The following PLAGL1 variants were observed in gnomAD, a reference collection of about 807,000 sequenced individuals.
PLAGL1 encodes the protein PLAG1 like zinc finger 1.
Under a neutral mutation model 4.6 loss-of-function variants are expected in PLAGL1, and 1 was observed. That is an observed-to-expected ratio of 0.22 (90% CI 0.08 to 1.03). PLAGL1 has a LOEUF of 1.03. Among genes scored for constraint, PLAGL1 ranks in the 50% least tolerant of loss-of-function variants. PLAGL1 has a pLI of 0.58. For synonymous variants in PLAGL1, 240 were observed against 237.8 expected (o/e 1.01, Z -0.08); for missense variants, 464 against 570.4 (o/e 0.81, Z 1.90).
In PLAGL1 at chr6:143,985,982, T is replaced by TATATATATATATATATATATATATA. The variant is rs1554263920; in HGVS notation, c.-583-809_-583-808insTATATATATATATATATATATATAT. On this transcript the variant is annotated intron_variant, in intron 1 of 7. Transcript: ENST00000674357. The surrounding 1 kb of genome is among the most constrained non-coding windows in gnomAD (Gnocchi z 4.4). ...TATATCAAATTATATATATATAAAA[T>TATATATATATATATATATATATATA]TATATATATATATATATATATATAT... Among the ~76,000 whole-genome samples, 6 of 111,570 alleles carry TATATATATATATATATATATATATA rather than the reference T, an allele frequency of 5.4e-5. No individual in the cohort carries two copies. The highest frequency in any genetic ancestry group is 6.9e-5 in the African/African-American group (2 of 28,862). 73.2% of individuals were successfully genotyped at this position (111,570 alleles called of 152,430 possible). A position where few individuals can be genotyped will look rare whatever the true frequency, so the allele number is the denominator to read the frequency against.
chr6:143,966,270 G>A lies in PLAGL1; in HGVS notation c.-471-72C>T, dbSNP rs1022157425. On this transcript the variant is annotated intron_variant, in intron 3 of 7. Coordinates refer to ENST00000674357, the MANE Select transcript of PLAGL1 (RefSeq NM_001317162.2). This position sits in a 1 kb window ranked among gnomAD's most constrained non-coding sequence, Gnocchi z 6.0. ...TCAGGAGAGCAATATGTTCAGGCTTGTGTTATAGAAAGAAACTGAGAGAGC... is the reference window on the plus strand; with the variant it reads ...TCAGGAGAGCAATATGTTCAGGCTTATGTTATAGAAAGAAACTGAGAGAGC... 4.6e-5 allele frequency: 7 copies of A among 152,196 alleles called. No individual in the cohort carries two copies. The highest frequency in any genetic ancestry group is 1.7e-4 in the African/African-American group (7 of 41,446). The allele number at this position is 152,196 out of a possible 1,614,324, so 9.4% of individuals were successfully genotyped here. A position where few individuals can be genotyped will look rare whatever the true frequency, so the allele number is the denominator to read the frequency against.
At position 144,002,659 on chromosome 6, in the gene PLAGL1, G is replaced by GA. The variant is rs902282750; in HGVS notation, c.-584+5430dup. Among the ~76,000 whole-genome samples the GA allele has an allele frequency of 4.3e-4, 63 of 147,000 alleles. 1 individual carries two copies. The highest frequency in any genetic ancestry group is 4.1e-4 in the Admixed American group (6 of 14,786). Reference sequence around the variant, plus strand: ...AGATGTTTGGAAAATAAAACTGGGGGAAAAAAAAAACTCCACCACTTACAA... The same window carrying GA: ...AGATGTTTGGAAAATAAAACTGGGGGAAAAAAAAAAACTCCACCACTTACAA... On this transcript the variant is annotated intron_variant, in intron 1 of 7. Coordinates refer to ENST00000674357, the MANE Select transcript of PLAGL1 (RefSeq NM_001317162.2).
rs1460049652 is a variant in PLAGL1 at position 143,952,512 on chromosome 6, C to T, written c.-324-4052G>A. 6.6e-6 allele frequency among the ~76,000 whole-genome samples: 1 copy of T among 152,148 alleles called. No individual in the cohort carries two copies. The highest frequency in any genetic ancestry group is 2.4e-5 in the African/African-American group (1 of 41,440). ...GCCAGTATGCCAAAGAAGGCTTGTGCCATCTGCTTCGTTCTGCTCATGTTG... is the reference window on the plus strand; with the variant it reads ...GCCAGTATGCCAAAGAAGGCTTGTGTCATCTGCTTCGTTCTGCTCATGTTG... On this transcript the variant is annotated intron_variant, in intron 6 of 7. Coordinates refer to ENST00000674357, the MANE Select transcript of PLAGL1 (RefSeq NM_001317162.2). This position sits in a 1 kb window ranked among gnomAD's most constrained non-coding sequence, Gnocchi z 6.1.
At chr6:144,007,359 G>A (rs551130635) in intron 1 of PLAGL1, 1 of 152,174 alleles carries the variant, frequency 6.6e-6, no homozygotes. Flanking sequence ...AGGGGCCTCC[G>A]ATCCTGCCTG....
chr6:144,044,581 G>A (rs1466508299), intron 1 of PLAGL1, among the ~76,000 whole-genome samples: 2 of 152,196 alleles, frequency 1.3e-5, no homozygotes. Context: ...ATTTGCTGAG[G>A]AGTGTTTTAC....
intron 1 of PLAGL1, among the ~76,000 whole-genome samples, chr6:144,030,721 C>T (rs533215281): frequency 1.3e-5 from 2 of 152,288 alleles, no homozygotes; most frequent in South Asian, 4.1e-4. Flanking sequence ...ATACATACAC[C>T]ACATTTGCTT....
chr6:143,948,221 C>T lies in PLAGL1; in HGVS notation c.-85G>A. ...GCACAAACAGAACGATGGTGCTGGG[C>T]ACATCAGCAGAGTCCCTGCAGCTGA... is the stretch of plus-strand genomic sequence containing the variant. On this transcript the variant is annotated 5_prime_UTR_variant, in exon 7 of 8. Coordinates refer to ENST00000674357, the MANE Select transcript of PLAGL1 (RefSeq NM_001317162.2). The surrounding 1 kb of genome is among the most constrained non-coding windows in gnomAD (Gnocchi z 6.0). The T allele has an allele frequency of 3.9e-6, 5 of 1,285,584 alleles. No homozygotes were observed. In the South Asian group the frequency reaches 6.6e-5, roughly 17 times the overall value. The allele number at this position is 1,285,584 out of a possible 1,614,324, so 79.6% of individuals were successfully genotyped here. A position where few individuals can be genotyped will look rare whatever the true frequency, so the allele number is the denominator to read the frequency against.
intron 2 of PLAGL1, among the ~76,000 whole-genome samples, chr6:143,981,684 C>T (rs1310432043): frequency 1.3e-5 from 2 of 151,994 alleles, no homozygotes; most frequent in South Asian, 2.1e-4. Context: ...CTATTTTAGG[C>T]GAGAGAATAA....
At position 143,959,380 on chromosome 6, in the gene PLAGL1, C is replaced by G. The variant is rs1651161757; in HGVS notation, c.-325+1089G>C. 6.6e-6 allele frequency among the ~76,000 whole-genome samples: 1 copy of G among 152,156 alleles called. No individual in the cohort carries two copies. On this transcript the variant is annotated intron_variant, in intron 6 of 7. Coordinates refer to ENST00000674357, the MANE Select transcript of PLAGL1 (RefSeq NM_001317162.2). This position sits in a 1 kb window ranked among gnomAD's most constrained non-coding sequence, Gnocchi z 5.3. ...CTTCCTGGCTAGCACTCCTAGTCTT[C>G]TAATGTCAGGCACACTGTAAACAGA...
chr6:144,020,849 A>G lies in PLAGL1; in HGVS notation c.-151+43619T>C, dbSNP rs964381828. On this transcript the variant is annotated intron_variant, in intron 1 of 3. Coordinates refer to the PLAGL1 transcript ENST00000437412. ...TTATATATAATATAATATATATAAAATATAATTACTATAATATAAAATATA... is the reference window on the plus strand; with the variant it reads ...TTATATATAATATAATATATATAAAGTATAATTACTATAATATAAAATATA... Among the ~76,000 whole-genome samples the G allele has an allele frequency of 4.8e-5, 7 of 146,378 alleles. No homozygotes were observed. In the East Asian group the frequency reaches 1.4e-3, roughly 29 times the overall value.
At chr6:144,011,243 TAAAC>T (rs1259898710), upstream of PLAGL1, among the ~76,000 whole-genome samples, 1 of 151,476 alleles carries the variant, frequency 6.6e-6, no homozygotes, top group Non-Finnish European at 1.5e-5. The surrounding 1 kb of genome is among the most constrained non-coding windows in gnomAD (Gnocchi z 4.3). Context: ...ACAAAGCACT[TAAAC>T]AAATTTATAA....
intron 1 of PLAGL1, among the ~76,000 whole-genome samples, chr6:144,046,103 C>T (rs962685768): frequency 2.0e-5 from 3 of 152,080 alleles, no homozygotes; most frequent in Non-Finnish European, 2.9e-5. Context: ...TTCAAGGTTT[C>T]TGGCTTCCTT....
chr6:144,023,856 A>C (rs538235577), intron 1 of PLAGL1, among the ~76,000 whole-genome samples: 1 of 135,276 alleles, frequency 7.4e-6, no homozygotes, highest in African/African-American at 2.9e-5. Context: ...GGCTTACTGC[A>C]ACCTCCGCCT....
upstream of PLAGL1, among the ~76,000 whole-genome samples, chr6:144,012,203 T>G (rs766657512): frequency 6.6e-6 from 1 of 152,096 alleles, no homozygotes; most frequent in Non-Finnish European, 1.5e-5. This position sits in a 1 kb window ranked among gnomAD's most constrained non-coding sequence, Gnocchi z 4.8. Context: ...TTTCTTTCCT[T>G]TGGGTGATTT....
chr6:144,041,899 T>C (rs568237925), intron 1 of PLAGL1, among the ~76,000 whole-genome samples: 3 of 152,360 alleles, frequency 2.0e-5, no homozygotes, highest in South Asian at 2.1e-4. Flanking sequence ...TGGTATCTCA[T>C]TGTGGTTTTG....
intron 1 of PLAGL1, among the ~76,000 whole-genome samples, chr6:144,032,486 T>C (rs1796906952): frequency 6.6e-6 from 1 of 151,944 alleles, no homozygotes; most frequent in Non-Finnish European, 1.5e-5. Flanking sequence ...TTGGCAGAAA[T>C]TTTAAGTTCT....
At position 143,973,493 on chromosome 6, in the gene PLAGL1, T is replaced by C. The variant is rs746610027; in HGVS notation, c.-543-4515A>G. Among the ~76,000 whole-genome samples the C allele has an allele frequency of 1.3e-5, 2 of 152,190 alleles. No individual in the cohort carries two copies. Among genetic ancestry groups the C allele is most frequent in the Non-Finnish European group, 2.9e-5 (2 of 68,032 alleles). ...AAAACAAGCACGGGGGGAAGTCCTC[T>C]GCTTCTAGGGCCTGCTGAGCTTCAA... On this transcript the variant is annotated intron_variant, in intron 2 of 7. Transcript: ENST00000674357. The surrounding 1 kb of genome is among the most constrained non-coding windows in gnomAD (Gnocchi z 6.2).
At position 144,034,341 on chromosome 6, in the gene PLAGL1, T is replaced by C. The variant is rs1280172621; in HGVS notation, c.-151+30127A>G. Among the ~76,000 whole-genome samples the C allele has an allele frequency of 6.6e-6, 1 of 152,178 alleles. No individual in the cohort carries two copies. On this transcript the variant is annotated intron_variant, in intron 1 of 3. Coordinates refer to the PLAGL1 transcript ENST00000437412. The surrounding 1 kb of genome is among the most constrained non-coding windows in gnomAD (Gnocchi z 4.7). ...GCCCCAGATTGCTGACTCAGGCTGC[T>C]GGGCACACAGCCCCCAGGCTGACTG...
chr6:143,950,910 T>G lies in PLAGL1; in HGVS notation c.-324-2450A>C, dbSNP rs1780933627. 6.6e-6 allele frequency among the ~76,000 whole-genome samples: 1 copy of G among 152,212 alleles called. No homozygotes were observed. Among genetic ancestry groups the G allele is most frequent in the Non-Finnish European group, 1.5e-5 (1 of 68,028 alleles). On this transcript the variant is annotated intron_variant, in intron 6 of 7. Transcript: ENST00000674357. This position sits in a 1 kb window ranked among gnomAD's most constrained non-coding sequence, Gnocchi z 6.3. The stretch of plus-strand genomic sequence containing the variant: ...TTTAACTTTAATTTAAATTGCCACA[T>G]AGTGCCAGTGGCTGCTGTCCTGGAC...
Sources: allele counts gnomAD v4.1 joint callset (sites outside exome capture counted in the v4.1 genomes callset), GRCh38; gene constraint gnomAD v4.1.1; non-coding constraint Gnocchi (gnomAD v3.1); transcripts MANE v1.5; gene names NCBI Gene and HGNC (gene_info 2026-07-23, HGNC 2026-07-21).